NBEA: variants seen among roughly 807,000 people sequenced by gnomAD.
NBEA encodes neurobeachin.
In NBEA, 44 loss-of-function variants were observed where a neutral mutation model predicts 343.4. That is an observed-to-expected ratio of 0.13 (90% confidence interval 0.10 to 0.16). NBEA has a LOEUF of 0.16. Ranked by LOEUF, NBEA falls within the 10% of genes least tolerant of loss-of-function variation. The pLI is 1.00. For missense variants in NBEA, 2,555 were observed against 3,631.3 expected (o/e 0.70, Z 7.62); for synonymous variants, 1,175 against 1,238.7 (o/e 0.95, Z 1.08).
intron 36 of NBEA, among the ~76,000 whole-genome samples, chr13:35,322,277 A>C (rs1490021918): frequency 6.6e-6 from 1 of 152,166 alleles, no homozygotes; most frequent in African/African-American, 2.4e-5. Context: ...CACTGTGGGA[A>C]AAGTGTAGTA....
chr13:35,179,085 A>G (rs2071124054), intron 28 of NBEA, among the ~76,000 whole-genome samples: 1 of 151,612 alleles, frequency 6.6e-6, no homozygotes, highest in East Asian at 1.9e-4. Flanking sequence ...TGGATATTTT[A>G]TAAATATGTT....
At position 35,154,024 on chromosome 13, in the gene NBEA, T is replaced by C. The variant is rs537672331; in HGVS notation, c.2446-1750T>C. On this transcript the variant is annotated intron_variant, in intron 18 of 58. Transcript: ENST00000379939. ...ATTAGGAGTGCATGTTTGGGGTCCT[T>C]TGTTTAGAAAGTTGTGAAATGCTGT... Among the ~76,000 whole-genome samples the C allele has an allele frequency of 4.6e-5, 7 of 152,308 alleles. No homozygotes were observed. The South Asian group carries it at 1.5e-3, about 32-fold the overall frequency.
At chr13:35,378,839 C>G (rs1011832197) in intron 38 of NBEA, among the ~76,000 whole-genome samples, 10 of 151,710 alleles carry the variant, frequency 6.6e-5, no homozygotes, top group Non-Finnish European at 1.2e-4. Context: ...ATCCTAAATT[C>G]TAAGAGCATT....
At chr13:35,604,839 A>G (rs967780002) in intron 47 of NBEA, among the ~76,000 whole-genome samples, 5 of 151,948 alleles carry the variant, frequency 3.3e-5, no homozygotes, top group Admixed American at 6.6e-5. Context: ...CATCTTAGCC[A>G]TGCTCCAACT....
chr13:34,982,676 C>A (rs1446468121), intron 1 of NBEA, among the ~76,000 whole-genome samples: 1 of 152,050 alleles, frequency 6.6e-6, no homozygotes, highest in South Asian at 2.1e-4. Context: ...TATTGAGACT[C>A]GTCTTATGGC....
At chr13:35,086,550 A>T (rs1221384538) in intron 10 of NBEA, among the ~76,000 whole-genome samples, 1 of 151,914 alleles carries the variant, frequency 6.6e-6, no homozygotes, top group Non-Finnish European at 1.5e-5. Flanking sequence ...GTCTTTAGCC[A>T]TTTGCCTGTT....
At chr13:35,060,251 A>G (rs932477751) in intron 8 of NBEA, among the ~76,000 whole-genome samples, 3 of 151,892 alleles carry the variant, frequency 2.0e-5, no homozygotes, top group Admixed American at 2.0e-4. Context: ...TTTAGAATTG[A>G]TGGGAGCTTC....
At chr13:35,363,055 C>T (rs574302797) in intron 38 of NBEA, among the ~76,000 whole-genome samples, 166 of 152,042 alleles carry the variant, frequency 1.1e-3, no homozygotes, top group Non-Finnish European at 1.7e-3. Flanking sequence ...AGACCTTCAC[C>T]GTTGCCATTT....
intron 38 of NBEA, among the ~76,000 whole-genome samples, chr13:35,361,676 A>G (rs949799986): frequency 1.3e-5 from 2 of 152,078 alleles, no homozygotes; most frequent in African/African-American, 4.8e-5. Context: ...CTGATCCATA[A>G]AAGAAAAAAT....
intron 38 of NBEA, among the ~76,000 whole-genome samples, chr13:35,366,234 G>T (rs1035076833): frequency 1.3e-5 from 2 of 151,530 alleles, no homozygotes; most frequent in South Asian, 4.2e-4. Flanking sequence ...TGTAATGATT[G>T]TTTCAGCTTT....
In NBEA at chr13:35,363,607, G is replaced by C. The variant is rs1253548367; in HGVS notation, c.6179+11284G>C. ...GAATTCTCAGGTCTCCTGAATTCAA[G>C]ATCCTGCTTGTTCTGAAAGGGTTGG... On this transcript the variant is annotated intron_variant, in intron 38 of 58. Coordinates refer to ENST00000379939, the MANE Select transcript of NBEA (RefSeq NM_001385012.1). 4.0e-5 allele frequency among the ~76,000 whole-genome samples: 6 copies of C among 151,828 alleles called. No individual in the cohort carries two copies. In the East Asian group the frequency reaches 1.2e-3, roughly 29 times the overall value.
chr13:35,264,219 G>A, intron 34 of NBEA, among the ~76,000 whole-genome samples: 1 of 151,272 alleles, frequency 6.6e-6, no homozygotes, highest in African/African-American at 2.4e-5. Flanking sequence ...TGAAGAAATA[G>A]AAAATCTGAA....
intron 1 of NBEA, 115 bp downstream of exon 1, chr13:34,943,229 G>T: frequency 7.2e-7 from 1 of 1,385,324 alleles, no homozygotes; most frequent in Non-Finnish European, 9.9e-7. Context: ...GTCCCTGGGA[G>T]CGCAGAGCGT....
intron 40 of NBEA, among the ~76,000 whole-genome samples, chr13:35,455,110 T>C (rs1232742013): frequency 6.6e-6 from 1 of 151,940 alleles, no homozygotes; most frequent in East Asian, 1.9e-4. Context: ...TTAGAGTTCT[T>C]AGATTTTAGA....
chr13:35,073,587 T>G (rs2063973639), intron 10 of NBEA, among the ~76,000 whole-genome samples: 1 of 152,206 alleles, frequency 6.6e-6, no homozygotes, highest in Non-Finnish European at 1.5e-5. Flanking sequence ...CTGTTGGCAC[T>G]ACTACTTTGT....
At chr13:35,658,233 C>CAAA (rs2084913259) in intron 55 of NBEA, among the ~76,000 whole-genome samples, 2 of 152,036 alleles carry the variant, frequency 1.3e-5, no homozygotes, top group Non-Finnish European at 2.9e-5. Context: ...ACAAAATTAT[C>CAAA]AATATGTATT....
chr13:35,173,942 C>T lies in NBEA; in HGVS notation c.4554+348C>T, dbSNP rs117874091. On this transcript the variant is annotated intron_variant, in intron 27 of 58. Transcript: ENST00000379939. ...TTAAATGGGTAGGCATAATAGTCAA[C>T]AAAAACTCACTGAATGCCCATTCAA... Among the ~76,000 whole-genome samples, 476 of 152,214 alleles carry T rather than the reference C, an allele frequency of 3.1e-3. 23 individuals carry two copies. In the East Asian group the frequency reaches 0.082, roughly 26 times the overall value.
At chr13:35,122,301 C>T (rs2058626430) in intron 16 of NBEA, among the ~76,000 whole-genome samples, 2 of 151,990 alleles carry the variant, frequency 1.3e-5, no homozygotes, top group Admixed American at 6.6e-5. Flanking sequence ...TTCACAATAG[C>T]AAAGACTTGG....
chr13:35,247,636 T>A (rs2031403136), intron 34 of NBEA, among the ~76,000 whole-genome samples: 1 of 152,138 alleles, frequency 6.6e-6, no homozygotes, highest in East Asian at 1.9e-4. Flanking sequence ...GTGTTTGGGC[T>A]GTCTCCCAGG....
Sources: allele counts gnomAD v4.1 joint callset (sites outside exome capture counted in the v4.1 genomes callset), GRCh38; gene constraint gnomAD v4.1.1; transcripts MANE v1.5; gene names NCBI Gene and HGNC (gene_info 2026-07-23, HGNC 2026-07-21).